Variants in QRFPR observed in about 807,000 individuals in gnomAD.
The protein encoded by QRFPR is pyroglutamylated RF-amide peptide receptor.
QRFPR carries 37 observed loss-of-function variants against 31.3 expected under a neutral mutation model. The ratio of observed to expected loss-of-function variants is 1.18; its 90% CI spans 0.91 to 1.56. The LOEUF is 1.56. Ranked by LOEUF, QRFPR falls within the 40% of genes most tolerant of loss-of-function variation. The pLI is 0.00. For synonymous variants in QRFPR, 197 were observed against 192.0 expected (o/e 1.03, Z -0.22); for missense variants, 542 against 532.5 (o/e 1.02, Z -0.18).
At chr4:121,342,548 T>C (rs60938835) in intron 1 of QRFPR, among the ~76,000 whole-genome samples, 53,422 of 151,958 alleles carry the variant, frequency 0.35, 9,668 homozygotes, top group Middle Eastern at 0.47. Context: ...CATTCCTCAT[T>C]TCTTTTATTC....
chr4:121,348,529 TTCAA>T (rs1346996729), intron 1 of QRFPR, among the ~76,000 whole-genome samples: 2 of 152,192 alleles, frequency 1.3e-5, no homozygotes, highest in Non-Finnish European at 2.9e-5. Flanking sequence ...TAAATTCATT[TTCAA>T]TCAATTTCTT....
intron 1 of QRFPR, among the ~76,000 whole-genome samples, chr4:121,376,713 C>G (rs1726360099): frequency 6.6e-6 from 1 of 152,142 alleles, no homozygotes; most frequent in Non-Finnish European, 1.5e-5. Context: ...GTGGCTGGCT[C>G]CAAAGAGACA....
At chr4:121,359,707 G>A (rs1194785298) in intron 1 of QRFPR, among the ~76,000 whole-genome samples, 3 of 151,462 alleles carry the variant, frequency 2.0e-5, no homozygotes, top group Non-Finnish European at 4.4e-5. Context: ...GTGTGTATGT[G>A]TGTGTGTGTA....
At chr4:121,371,025 A>G (rs1358256856) in intron 1 of QRFPR, among the ~76,000 whole-genome samples, 1 of 152,202 alleles carries the variant, frequency 6.6e-6, no homozygotes, top group African/African-American at 2.4e-5. Flanking sequence ...GTTAATACAA[A>G]CACTAATAAA....
chr4:121,365,417 G>A lies in QRFPR; in HGVS notation c.340+14891C>T, dbSNP rs112434985. ...TTTAGTGAGCCGAGATCACGCCACCGCACTCCAGCCTGGGCAACAGAGCGA... is the reference window on the plus strand; with the variant it reads ...TTTAGTGAGCCGAGATCACGCCACCACACTCCAGCCTGGGCAACAGAGCGA... On this transcript the variant is annotated intron_variant, in intron 1 of 5. Coordinates refer to ENST00000394427, the MANE Select transcript of QRFPR (RefSeq NM_198179.3). Among the ~76,000 whole-genome samples the A allele has an allele frequency of 5.1e-3, 649 of 126,506 alleles. 29 individuals carry two copies. The highest frequency in any genetic ancestry group is 0.019 in the African/African-American group (626 of 32,122). 83.0% of individuals were successfully genotyped at this position (126,506 alleles called of 152,430 possible). A position where few individuals can be genotyped will look rare whatever the true frequency, so the allele number is the denominator to read the frequency against.
chr4:121,360,919 A>G (rs987256257), intron 1 of QRFPR, among the ~76,000 whole-genome samples: 3 of 152,342 alleles, frequency 2.0e-5, no homozygotes, highest in East Asian at 1.9e-4. Context: ...CTTCCACAAC[A>G]TACACTGTGT....
At chr4:121,351,688 G>A (rs1403525285) in intron 1 of QRFPR, among the ~76,000 whole-genome samples, 1 of 151,970 alleles carries the variant, frequency 6.6e-6, no homozygotes, top group South Asian at 2.1e-4. Context: ...TTAGGCATTA[G>A]AAAGAATTTC....
intron 1 of QRFPR, among the ~76,000 whole-genome samples, chr4:121,375,294 A>G (rs778564764): frequency 1.4e-4 from 22 of 151,838 alleles, no homozygotes; most frequent in Non-Finnish European, 2.2e-4. Context: ...CAAGCTCCCT[A>G]CTCCTCAATA....
chr4:121,333,593 CT>C (rs1725377664), intron 3 of QRFPR, among the ~76,000 whole-genome samples: 1 of 152,270 alleles, frequency 6.6e-6, no homozygotes, highest in African/African-American at 2.4e-5. Context: ...CAACTGGCAG[CT>C]TTTATCCTGA....
intron 1 of QRFPR, among the ~76,000 whole-genome samples, chr4:121,354,746 G>T (rs1294279884): frequency 6.6e-6 from 1 of 151,924 alleles, no homozygotes; most frequent in East Asian, 1.9e-4. Flanking sequence ...TTGTTTGAGA[G>T]ATTTTATCAT....
chr4:121,380,180 G>A (rs935906984), intron 1 of QRFPR, 128 bp downstream of exon 1: 1 of 534,420 alleles, frequency 1.9e-6, no homozygotes, highest in Non-Finnish European at 3.2e-6. Flanking sequence ...ACAGACAGAC[G>A]AGAGAGGAGA....
chr4:121,352,203 A>G (rs905476068), intron 1 of QRFPR, among the ~76,000 whole-genome samples: 6 of 152,142 alleles, frequency 3.9e-5, no homozygotes, highest in African/African-American at 1.4e-4. Flanking sequence ...TTAAACAACA[A>G]GGGAAATGTA....
intron 1 of QRFPR, among the ~76,000 whole-genome samples, chr4:121,380,077 T>C (rs1421829022): frequency 6.6e-6 from 1 of 151,566 alleles, no homozygotes; most frequent in Non-Finnish European, 1.5e-5. Context: ...CCAAAAGAAC[T>C]TATGTCCAGG....
chr4:121,380,266 G>T, intron 1 of QRFPR, 42 bp downstream of exon 1: 4 of 1,225,246 alleles, frequency 3.3e-6, no homozygotes, highest in South Asian at 1.3e-5. Context: ...AAAGGCAGAG[G>T]GTTAAGAGAG....
At chr4:121,361,102 A>G (rs1012614625) in intron 1 of QRFPR, among the ~76,000 whole-genome samples, 1 of 133,502 alleles carries the variant, frequency 7.5e-6, no homozygotes, top group African/African-American at 2.8e-5. Context: ...TTTAACTCTG[A>G]AAATCCAGCC....
intron 1 of QRFPR, among the ~76,000 whole-genome samples, chr4:121,354,490 A>G (rs920450026): frequency 6.6e-6 from 1 of 152,072 alleles, no homozygotes. Context: ...AGATCATATC[A>G]TCTGCAAACA....
At chr4:121,372,115 C>G (rs748490866) in intron 1 of QRFPR, among the ~76,000 whole-genome samples, 2 of 152,176 alleles carry the variant, frequency 1.3e-5, no homozygotes, top group South Asian at 2.1e-4. Context: ...GGAAGTCTTA[C>G]ACTCAACGGA....
intron 2 of QRFPR, 142 bp downstream of exon 2, chr4:121,340,309 AG>A: frequency 1.2e-6 from 1 of 854,832 alleles, no homozygotes. Flanking sequence ...GAAGGCAAAC[AG>A]GGAAAGCACT....
chr4:121,350,999 T>C (rs1355122268), intron 1 of QRFPR, among the ~76,000 whole-genome samples: 1 of 152,226 alleles, frequency 6.6e-6, no homozygotes, highest in Non-Finnish European at 1.5e-5. Context: ...TTGGGCTTAA[T>C]ACCTAGGTGA....
Sources: gnomAD v4.1 joint callset for allele counts (sites outside exome capture counted in the v4.1 genomes callset) on GRCh38, gnomAD v4.1.1 for gene constraint, MANE v1.5 for transcripts, NCBI Gene and HGNC (gene_info 2026-07-23, HGNC 2026-07-21) for gene names.